CATSPERB: variants seen among roughly 807,000 people sequenced by gnomAD.
CATSPERB encodes the protein catsper channel auxiliary subunit beta, also known as cation channel sperm-associated auxiliary subunit beta.
CATSPERB carries 93 observed loss-of-function variants against 128.3 expected under a neutral mutation model. The observed-to-expected ratio is 0.72, with a 90% CI of 0.61 to 0.86. The LOEUF is 0.86. Among genes scored for constraint, CATSPERB ranks in the 40% least tolerant of loss-of-function variants. CATSPERB has a pLI of 0.00. For synonymous variants in CATSPERB, 381 were observed against 448.8 expected (o/e 0.85, Z 1.91); for missense variants, 1,153 against 1,329.5 (o/e 0.87, Z 2.06).
At chr14:91,689,655 C>T (rs1367525512) in intron 10 of CATSPERB, among the ~76,000 whole-genome samples, 1 of 151,976 alleles carries the variant, frequency 6.6e-6, no homozygotes, top group Non-Finnish European at 1.5e-5. Flanking sequence ...TATTCTTTTA[C>T]CTTTATCTCT....
intron 26 of CATSPERB, among the ~76,000 whole-genome samples, chr14:91,582,260 T>C (rs530727500): frequency 3.3e-5 from 5 of 152,312 alleles, no homozygotes; most frequent in African/African-American, 1.2e-4. Context: ...TTGACAGGAA[T>C]GTTGACAGGA....
At chr14:91,630,442 C>T (rs1379007954) in intron 17 of CATSPERB, among the ~76,000 whole-genome samples, 2 of 152,198 alleles carry the variant, frequency 1.3e-5, no homozygotes, top group African/African-American at 4.8e-5. Flanking sequence ...TTCACATCTT[C>T]ACTTAGATAC....
intron 26 of CATSPERB, among the ~76,000 whole-genome samples, chr14:91,585,386 ATCT>A (rs900385070): frequency 1.2e-4 from 18 of 152,276 alleles, no homozygotes; most frequent in African/African-American, 3.1e-4. Flanking sequence ...CTGAGGCAAG[ATCT>A]TCTTCTTCTT....
chr14:91,713,004 G>T (rs1415602029), intron 5 of CATSPERB, among the ~76,000 whole-genome samples: 2 of 152,172 alleles, frequency 1.3e-5, no homozygotes, highest in Admixed American at 1.3e-4. Flanking sequence ...ATGAAATGAG[G>T]TTATTCGAGG....
chr14:91,594,387 T>G (rs1893466941), intron 22 of CATSPERB, among the ~76,000 whole-genome samples: 2 of 151,638 alleles, frequency 1.3e-5, no homozygotes, highest in Admixed American at 1.3e-4. Flanking sequence ...AAATGACGAG[T>G]TAATGGGTGC....
At chr14:91,704,454 T>C in intron 7 of CATSPERB, 98 bp downstream of exon 7, 1 of 1,271,550 alleles carries the variant, frequency 7.9e-7, no homozygotes. Flanking sequence ...ACAATTTTCC[T>C]TCCCTATGTC....
intron 22 of CATSPERB, among the ~76,000 whole-genome samples, chr14:91,594,035 G>A (rs1253474106): frequency 6.6e-6 from 1 of 152,136 alleles, no homozygotes; most frequent in Non-Finnish European, 1.5e-5. Flanking sequence ...TGTAAGAAGT[G>A]CCTTTTGCAT....
chr14:91,632,680 G>A (rs2139798875), intron 17 of CATSPERB, among the ~76,000 whole-genome samples: 1 of 152,094 alleles, frequency 6.6e-6, no homozygotes, highest in African/African-American at 2.4e-5. Flanking sequence ...AAATCATTAA[G>A]GATACAGAAA....
intron 5 of CATSPERB, among the ~76,000 whole-genome samples, chr14:91,714,627 T>C (rs1467971183): frequency 6.6e-6 from 1 of 150,770 alleles, no homozygotes; most frequent in Non-Finnish European, 1.5e-5. Flanking sequence ...TGGTGCAATC[T>C]TGACTCACTG....
intron 13 of CATSPERB, among the ~76,000 whole-genome samples, chr14:91,671,880 A>C (rs1262623172): frequency 6.6e-6 from 1 of 151,628 alleles, no homozygotes; most frequent in Non-Finnish European, 1.5e-5. Flanking sequence ...TTAGCCAGGC[A>C]TGGTGGCGGG....
At chr14:91,707,504 T>C (rs1895752412) in intron 6 of CATSPERB, among the ~76,000 whole-genome samples, 1 of 150,822 alleles carries the variant, frequency 6.6e-6, no homozygotes, top group Admixed American at 6.6e-5. Flanking sequence ...TTGGAATAAG[T>C]AAATATAATC....
intron 14 of CATSPERB, among the ~76,000 whole-genome samples, chr14:91,665,561 A>G (rs1441028277): frequency 2.0e-5 from 3 of 152,186 alleles, no homozygotes; most frequent in African/African-American, 7.2e-5. Flanking sequence ...GGGTCAAAGA[A>G]GAAATTAGAG....
chr14:91,698,339 C>T (rs1048756599), intron 7 of CATSPERB, among the ~76,000 whole-genome samples: 4 of 152,142 alleles, frequency 2.6e-5, no homozygotes, highest in Non-Finnish European at 5.9e-5. Flanking sequence ...GAGAGTTTGA[C>T]TTCTTCTGTT....
At chr14:91,593,750 G>A (rs140339486) in intron 22 of CATSPERB, among the ~76,000 whole-genome samples, 97 of 152,288 alleles carry the variant, frequency 6.4e-4, no homozygotes, top group Middle Eastern at 3.4e-3. Context: ...GTTGGGAAGG[G>A]ATGATTGGTT....
intron 26 of CATSPERB, among the ~76,000 whole-genome samples, chr14:91,586,841 C>T (rs1893311040): frequency 6.6e-6 from 1 of 152,004 alleles, no homozygotes; most frequent in South Asian, 2.1e-4. Context: ...GATAATCAGA[C>T]TAGAAACTAA....
intron 22 of CATSPERB, among the ~76,000 whole-genome samples, chr14:91,593,439 C>T (rs1265441142): frequency 6.6e-6 from 1 of 152,226 alleles, no homozygotes; most frequent in African/African-American, 2.4e-5. Flanking sequence ...ACCATGAGAA[C>T]CCACCTCTTG....
intron 10 of CATSPERB, among the ~76,000 whole-genome samples, chr14:91,685,448 T>C (rs1296083385): frequency 6.6e-6 from 1 of 152,200 alleles, no homozygotes; most frequent in African/African-American, 2.4e-5. Context: ...CTTCATTTAT[T>C]CACTCATTGA....
chr14:91,587,317 T>C (rs529768891), intron 25 of CATSPERB, 41 bp from the exon 26 acceptor site: 1 of 1,443,958 alleles, frequency 6.9e-7, no homozygotes, highest in East Asian at 2.4e-5. Context: ...AGCATCAACA[T>C]GTACATTCCT....
Position 91,711,697 on chromosome 14 carries a change from A to C in CATSPERB, c.371-3461T>G, listed in dbSNP as rs78970967. On this transcript the variant is annotated intron_variant, in intron 5 of 26. Coordinates refer to ENST00000256343, the MANE Select transcript of CATSPERB (RefSeq NM_024764.4). ...GAGTTCAGATCAATGCAATATCAGA[A>C]ATAAAGAGGGACAATACATATGACA... Among the ~76,000 whole-genome samples the C allele has an allele frequency of 5.2e-3, 789 of 152,340 alleles. 7 individuals carry two copies. Among genetic ancestry groups the C allele is most frequent in the African/African-American group, 0.018 (737 of 41,584 alleles).
Sources: gnomAD v4.1 joint callset for allele counts (sites outside exome capture counted in the v4.1 genomes callset) on GRCh38, gnomAD v4.1.1 for gene constraint, MANE v1.5 for transcripts, NCBI Gene and HGNC (gene_info 2026-07-23, HGNC 2026-07-21) for gene names.